MECOM: variants seen among roughly 807,000 people sequenced by gnomAD.
MECOM encodes histone-lysine N-methyltransferase MECOM.
A neutral mutation model predicts 116.3 loss-of-function variants in MECOM; 13 were observed. The ratio of observed to expected loss-of-function variants is 0.11; its 90% CI spans 0.07 to 0.18. MECOM has a LOEUF of 0.18. Ranked by LOEUF, MECOM falls within the 10% of genes least tolerant of loss-of-function variation. MECOM has a pLI of 1.00. For synonymous variants in MECOM, 528 were observed against 535.2 expected (o/e 0.99, Z 0.19); for missense variants, 1,299 against 1,509.0 (o/e 0.86, Z 2.31).
At chr3:169,158,812 A>T (rs1310128686) in intron 2 of MECOM, among the ~76,000 whole-genome samples, 1 of 152,202 alleles carries the variant, frequency 6.6e-6, no homozygotes, top group African/African-American at 2.4e-5. Flanking sequence ...CAATGACAAG[A>T]TAAGTAATTG....
At chr3:169,556,746 A>C (rs866445546) in intron 1 of MECOM, among the ~76,000 whole-genome samples, 1 of 152,242 alleles carries the variant, frequency 6.6e-6, no homozygotes, top group Non-Finnish European at 1.5e-5. Flanking sequence ...GAGACACCCA[A>C]GTGGCAAGGA....
intron 1 of MECOM, among the ~76,000 whole-genome samples, chr3:169,511,718 G>A (rs974310642): frequency 6.6e-5 from 10 of 151,782 alleles, no homozygotes; most frequent in East Asian, 1.9e-4. Flanking sequence ...GTAGTGAGCC[G>A]AGATCGTGCC....
chr3:169,514,949 A>G (rs1218693957), intron 1 of MECOM, among the ~76,000 whole-genome samples: 3 of 152,236 alleles, frequency 2.0e-5, no homozygotes, highest in Non-Finnish European at 4.4e-5. Flanking sequence ...TCAACAATCA[A>G]AAACTTTTTA....
intron 2 of MECOM, among the ~76,000 whole-genome samples, chr3:169,288,689 T>G (rs1713867370): frequency 2.0e-5 from 3 of 152,144 alleles, no homozygotes; most frequent in African/African-American, 7.2e-5. Context: ...TGCGTGTGCG[T>G]CTGTGTGTGT....
intron 9 of MECOM, among the ~76,000 whole-genome samples, chr3:169,112,192 G>C (rs568259192): frequency 6.6e-6 from 1 of 152,238 alleles, no homozygotes; most frequent in East Asian, 1.9e-4. Context: ...TAGAGATAGT[G>C]CTGCTTTGCA....
chr3:169,318,847 C>A lies in MECOM; in HGVS notation c.375+62340G>T, dbSNP rs74555253. ...GGCACAATGGCTCATGTCTGTAATC[C>A]CAGCACTTTGAGAGGCCTAGGCAGG... On this transcript the variant is annotated intron_variant, in intron 2 of 16. Coordinates refer to ENST00000651503, the MANE Select transcript of MECOM (RefSeq NM_004991.4). 1.6e-3 allele frequency among the ~76,000 whole-genome samples: 240 copies of A among 152,094 alleles called. 5 individuals are homozygous for A. In the East Asian group the frequency reaches 0.044, roughly 28 times the overall value.
chr3:169,509,208 C>T (rs1755658076), intron 1 of MECOM, among the ~76,000 whole-genome samples: 1 of 152,170 alleles, frequency 6.6e-6, no homozygotes, highest in Non-Finnish European at 1.5e-5. Context: ...CCACCAGCAG[C>T]TCCTGGTGTG....
chr3:169,166,741 T>C (rs1743655483), intron 2 of MECOM, among the ~76,000 whole-genome samples: 1 of 152,154 alleles, frequency 6.6e-6, no homozygotes, highest in Non-Finnish European at 1.5e-5. Context: ...ATATGCAAAC[T>C]ACAAAAATAA....
chr3:169,378,591 T>A (rs2518773), intron 2 of MECOM, among the ~76,000 whole-genome samples: 997 of 69,790 alleles, frequency 0.014, 61 homozygotes, highest in Non-Finnish European at 0.02. Flanking sequence ...AGAAAGTAAG[T>A]AAGTAAGTTT....
chr3:169,241,643 T>C (rs1057054810), intron 2 of MECOM, among the ~76,000 whole-genome samples: 8 of 152,228 alleles, frequency 5.3e-5, no homozygotes, highest in Admixed American at 4.6e-4. Context: ...GAAAGTGTAC[T>C]GATCACTTAT....
intron 1 of MECOM, among the ~76,000 whole-genome samples, chr3:169,383,052 G>A (rs1408426222): frequency 6.6e-6 from 1 of 151,952 alleles, no homozygotes; most frequent in Non-Finnish European, 1.5e-5. Flanking sequence ...AGTCTTCTAA[G>A]AGAGTTTATT....
chr3:169,319,558 A>G (rs1416557961), intron 2 of MECOM, among the ~76,000 whole-genome samples: 1 of 104,624 alleles, frequency 9.6e-6, no homozygotes, highest in Non-Finnish European at 1.8e-5. Flanking sequence ...TTAAAGTATA[A>G]TAAAAAAAAA....
At chr3:169,283,413 T>A (rs1192736094) in intron 2 of MECOM, among the ~76,000 whole-genome samples, 1 of 127,642 alleles carries the variant, frequency 7.8e-6, no homozygotes, top group Non-Finnish European at 1.5e-5. Context: ...AGACCCCATC[T>A]CAAAAAAAAA....
intron 2 of MECOM, among the ~76,000 whole-genome samples, chr3:169,212,634 ATGTATAT>A (rs1750895112): frequency 3.3e-4 from 2 of 6,054 alleles, no homozygotes; most frequent in Non-Finnish European, 6.1e-4. Flanking sequence ...CTAGTCAGCA[ATGTATAT>A]ATATATATAT....
chr3:169,661,313 C>A (rs58814415), intron 1 of MECOM, among the ~76,000 whole-genome samples: 32,495 of 146,450 alleles, frequency 0.22, 6,590 homozygotes, highest in African/African-American at 0.55. Flanking sequence ...ACTCCCCCCC[C>A]CACACACACA....
At chr3:169,382,967 C>T (rs223102) in intron 1 of MECOM, among the ~76,000 whole-genome samples, 79,997 of 150,422 alleles carry the variant, frequency 0.53, 21,748 homozygotes, top group East Asian at 0.87. Flanking sequence ...TGCATCATCC[C>T]TAACTCGTGC....
intron 1 of MECOM, among the ~76,000 whole-genome samples, chr3:169,601,559 G>A (rs1473068680): frequency 6.6e-6 from 1 of 152,164 alleles, no homozygotes; most frequent in African/African-American, 2.4e-5. Context: ...TTGAAACAAG[G>A]TAGCTTTACT....
At chr3:169,523,901 C>G (rs1229839590) in intron 1 of MECOM, among the ~76,000 whole-genome samples, 1 of 133,504 alleles carries the variant, frequency 7.5e-6, no homozygotes, top group African/African-American at 2.9e-5. Flanking sequence ...ATATACATAC[C>G]TGTATATGCA....
chr3:169,160,679 TG>T (rs1260622311), intron 2 of MECOM, among the ~76,000 whole-genome samples: 7 of 151,370 alleles, frequency 4.6e-5, no homozygotes, highest in Non-Finnish European at 8.8e-5. Context: ...AGAGTATAAC[TG>T]AGTTGTTTGT....
Sources: gnomAD v4.1 joint callset for allele counts (sites outside exome capture counted in the v4.1 genomes callset) on GRCh38, gnomAD v4.1.1 for gene constraint, MANE v1.5 for transcripts, NCBI Gene and HGNC (gene_info 2026-07-23, HGNC 2026-07-21) for gene names.